The following ILRUN variants were observed in gnomAD, a reference collection of about 807,000 sequenced individuals.
ILRUN encodes the protein protein ILRUN.
ILRUN carries 3 observed loss-of-function variants against 33.8 expected under a neutral mutation model. The observed-to-expected ratio is 0.09, with a 90% CI of 0.04 to 0.23. The LOEUF is 0.23. ILRUN is among the 10% of genes least tolerant of loss of function. The pLI, the probability that ILRUN is intolerant of heterozygous loss-of-function variation, is 1.00. For missense variants in ILRUN, 210 were observed against 375.1 expected (o/e 0.56, Z 3.64); for synonymous variants, 124 against 138.9 (o/e 0.89, Z 0.75).
At chr6:34,678,836 C>CAAAAAAAAAAA (rs767799882) in intron 1 of ILRUN, among the ~76,000 whole-genome samples, 39 of 47,842 alleles carry the variant, frequency 8.2e-4, no homozygotes, top group African/African-American at 1.4e-3. Context: ...GACTCCGTCT[C>CAAAAAAAAAAA]AAAAAAAAAA....
At chr6:34,635,329 A>G (rs1762336530) in intron 3 of ILRUN, among the ~76,000 whole-genome samples, 1 of 152,090 alleles carries the variant, frequency 6.6e-6, no homozygotes, top group Non-Finnish European at 1.5e-5. Flanking sequence ...TAGGAGTTTG[A>G]GACCACCCTG....
At chr6:34,618,593 G>T (rs889343311) in intron 3 of ILRUN, among the ~76,000 whole-genome samples, 6 of 152,140 alleles carry the variant, frequency 3.9e-5, no homozygotes, top group Admixed American at 1.3e-4. Flanking sequence ...GCATTCCACA[G>T]TTCCTCTGAA....
chr6:34,658,347 CAAAAAA>C (rs35618991), intron 1 of ILRUN, among the ~76,000 whole-genome samples: 2 of 105,250 alleles, frequency 1.9e-5, no homozygotes. Flanking sequence ...GACTCTGTCT[CAAAAAA>C]AAAAAAAAAG....
chr6:34,665,050 G>A (rs1039914077), intron 1 of ILRUN, among the ~76,000 whole-genome samples: 1 of 151,918 alleles, frequency 6.6e-6, no homozygotes. Context: ...AGCTCACTGC[G>A]GGTTTGAACT....
intron 3 of ILRUN, among the ~76,000 whole-genome samples, chr6:34,630,397 GT>G (rs1300081072): frequency 6.6e-6 from 1 of 152,062 alleles, no homozygotes; most frequent in African/African-American, 2.4e-5. Flanking sequence ...CTTTTGTTTT[GT>G]TTTTGAAACA....
chr6:34,665,949 T>TAA (rs201865272), intron 1 of ILRUN, among the ~76,000 whole-genome samples: 8 of 134,408 alleles, frequency 6.0e-5, no homozygotes, highest in Admixed American at 1.5e-4. Flanking sequence ...CATCTATGCT[T>TAA]AAAAAAAAAA....
At chr6:34,628,936 G>C (rs902932412) in intron 3 of ILRUN, among the ~76,000 whole-genome samples, 1 of 151,968 alleles carries the variant, frequency 6.6e-6, no homozygotes, top group Non-Finnish European at 1.5e-5. Context: ...ACAATATGGC[G>C]GAATGCTGTC....
chr6:34,644,088 A>G (rs1445191625), intron 3 of ILRUN, among the ~76,000 whole-genome samples: 1 of 152,158 alleles, frequency 6.6e-6, no homozygotes, highest in East Asian at 1.9e-4. Flanking sequence ...AATTTGAGAG[A>G]GTTGCTATGA....
intron 1 of ILRUN, among the ~76,000 whole-genome samples, chr6:34,690,783 G>GGTTCA (rs1554190671): frequency 2.2e-5 from 1 of 44,870 alleles, no homozygotes; most frequent in Non-Finnish European, 5.6e-5. Flanking sequence ...TAGCAAGGAA[G>GGTTCA]GTTTAAACAT....
At chr6:34,637,549 T>C (rs1194361078) in intron 3 of ILRUN, among the ~76,000 whole-genome samples, 1 of 152,192 alleles carries the variant, frequency 6.6e-6, no homozygotes, top group African/African-American at 2.4e-5. Context: ...TACCAAATCC[T>C]TTTCTATACA....
At chr6:34,639,200 A>T (rs1233462052) in intron 3 of ILRUN, among the ~76,000 whole-genome samples, 1 of 152,232 alleles carries the variant, frequency 6.6e-6, no homozygotes, top group Non-Finnish European at 1.5e-5. Flanking sequence ...GGGGAGCTTC[A>T]TTTCTAAACT....
At chr6:34,611,696 T>C (rs1391846796) in intron 3 of ILRUN, among the ~76,000 whole-genome samples, 1 of 152,118 alleles carries the variant, frequency 6.6e-6, no homozygotes, top group Non-Finnish European at 1.5e-5. Context: ...CTTTACCATC[T>C]GTTATAATAA....
chr6:34,672,005 A>C (rs1763126134), intron 1 of ILRUN: 1 of 152,288 alleles, frequency 6.6e-6, no homozygotes, highest in Admixed American at 6.5e-5. Context: ...TGTAGTCACA[A>C]CACTGCATAG....
At chr6:34,595,466 C>T (rs1175168431) in intron 4 of ILRUN, among the ~76,000 whole-genome samples, 5 of 152,146 alleles carry the variant, frequency 3.3e-5, no homozygotes, top group Admixed American at 2.0e-4. Flanking sequence ...CCTTCTATGA[C>T]GACAGAAGCT....
At chr6:34,614,434 A>AAAAAT (rs1761828364) in intron 3 of ILRUN, among the ~76,000 whole-genome samples, 1 of 99,046 alleles carries the variant, frequency 1.0e-5, no homozygotes, top group African/African-American at 4.9e-5. Context: ...AAAATAATAA[A>AAAAAT]AAAAAAAAAA....
intron 3 of ILRUN, among the ~76,000 whole-genome samples, chr6:34,618,263 T>C (rs1761939952): frequency 6.6e-6 from 1 of 152,148 alleles, no homozygotes; most frequent in Non-Finnish European, 1.5e-5. Flanking sequence ...AAATATTATT[T>C]CTCCCAAGGT....
At position 34,605,322 on chromosome 6, in the gene ILRUN, A is replaced by C. The variant is rs1004942261; in HGVS notation, c.861+1233T>G. ...ACTCCGTCTCCAAAACAAAAACAAA[A>C]AAAAAAAAAAAAAAAAAAAGGAGGG... is the stretch of plus-strand genomic sequence containing the variant. On this transcript the variant is annotated intron_variant, in intron 4 of 4. Coordinates refer to ENST00000374023, the MANE Select transcript of ILRUN (RefSeq NM_024294.4). Among the ~76,000 whole-genome samples the C allele has an allele frequency of 6.7e-5, 8 of 118,896 alleles. No homozygotes were observed. In the South Asian group the frequency reaches 1.9e-3, roughly 29 times the overall value. 78.0% of individuals were successfully genotyped at this position (118,896 alleles called of 152,430 possible).
At chr6:34,652,447 C>G (rs1341766780) in intron 2 of ILRUN, among the ~76,000 whole-genome samples, 1 of 152,142 alleles carries the variant, frequency 6.6e-6, no homozygotes, top group Non-Finnish European at 1.5e-5. Context: ...TGTGTTTGGT[C>G]AATGACACAC....
chr6:34,613,398 ACATGTAAAAGCTAG>A, intron 3 of ILRUN, among the ~76,000 whole-genome samples: 1 of 152,370 alleles, frequency 6.6e-6, no homozygotes, highest in African/African-American at 2.4e-5. Context: ...ATGTCTGCAT[ACATGTAAAAGCTAG>A]CATCAGAGGT....
Sources: allele counts gnomAD v4.1 joint callset (sites outside exome capture counted in the v4.1 genomes callset), GRCh38; gene constraint gnomAD v4.1.1; transcripts MANE v1.5; gene names NCBI Gene and HGNC (gene_info 2026-07-23, HGNC 2026-07-21).